DLG2: variants seen among roughly 807,000 people sequenced by gnomAD.
DLG2 encodes disks large homolog 2.
Under a neutral mutation model 132.5 loss-of-function variants are expected in DLG2, and 45 were observed. The ratio of observed to expected loss-of-function variants is 0.34; its 90% CI spans 0.27 to 0.44. DLG2 has a LOEUF of 0.44. Among genes scored for constraint, DLG2 ranks in the 20% least tolerant of loss-of-function variants. DLG2 has a pLI of 1.00. For missense variants in DLG2, 1,045 were observed against 1,196.9 expected (o/e 0.87, Z 1.87); for synonymous variants, 424 against 419.6 (o/e 1.01, Z -0.13).
At chr11:84,899,768 A>AC (rs1290975506) in intron 6 of DLG2, among the ~76,000 whole-genome samples, 1 of 152,034 alleles carries the variant, frequency 6.6e-6, no homozygotes, top group African/African-American at 2.4e-5. Flanking sequence ...CTACAAGGTA[A>AC]AGCTATGCAT....
intron 3 of DLG2, among the ~76,000 whole-genome samples, chr11:85,425,682 C>G (rs868457550): frequency 2.0e-5 from 3 of 152,210 alleles, no homozygotes; most frequent in South Asian, 4.2e-4. Context: ...CAAATAGGAA[C>G]AGCTCCACTC....
intron 11 of DLG2, among the ~76,000 whole-genome samples, chr11:84,043,766 T>C (rs928792135): frequency 4.0e-5 from 6 of 151,742 alleles, no homozygotes; most frequent in Non-Finnish European, 7.4e-5. Context: ...CTATTTTCAG[T>C]GACATCTATT....
At chr11:84,146,351 A>G (rs890652399) in intron 9 of DLG2, among the ~76,000 whole-genome samples, 5 of 152,194 alleles carry the variant, frequency 3.3e-5, no homozygotes, top group African/African-American at 1.2e-4. Context: ...GTATAATTGG[A>G]TTGTTTGTAA....
At chr11:85,421,642 G>T (rs1373471578) in intron 3 of DLG2, among the ~76,000 whole-genome samples, 1 of 151,966 alleles carries the variant, frequency 6.6e-6, no homozygotes, top group African/African-American at 2.4e-5. Flanking sequence ...TTAAGTGGAG[G>T]ATTTAGGTCA....
chr11:84,515,733 T>C (rs895999653), intron 7 of DLG2, among the ~76,000 whole-genome samples: 1 of 151,858 alleles, frequency 6.6e-6, no homozygotes, highest in African/African-American at 2.4e-5. Context: ...CTAGATCAAA[T>C]GGACCTAAAA....
intron 6 of DLG2, among the ~76,000 whole-genome samples, chr11:85,098,452 T>C (rs1360912988): frequency 1.3e-5 from 2 of 152,176 alleles, no homozygotes; most frequent in Admixed American, 6.5e-5. Flanking sequence ...AAAACGGCCA[T>C]TCCGTGTGTA....
At chr11:83,965,558 G>C (rs2089981566) in intron 12 of DLG2, 90 bp from the exon 13 acceptor site, 1 of 1,075,824 alleles carries the variant, frequency 9.3e-7, no homozygotes, top group South Asian at 1.5e-5. Flanking sequence ...ATTATAAATT[G>C]TGATAATTAC....
intron 6 of DLG2, among the ~76,000 whole-genome samples, chr11:84,978,238 C>T (rs189299729): frequency 7.6e-4 from 115 of 152,178 alleles, no homozygotes; most frequent in African/African-American, 2.6e-3. Flanking sequence ...CTGAAGGAGA[C>T]GTTTAAAAAC....
chr11:84,122,348 C>G (rs148941146), intron 9 of DLG2, among the ~76,000 whole-genome samples: 1 of 152,114 alleles, frequency 6.6e-6, no homozygotes, highest in Non-Finnish European at 1.5e-5. Context: ...AATTCCTGAA[C>G]CCAGATTTTC....
intron 2 of DLG2, among the ~76,000 whole-genome samples, chr11:85,604,691 G>T (rs970862247): frequency 6.6e-6 from 1 of 152,064 alleles, no homozygotes; most frequent in African/African-American, 2.4e-5. Context: ...AAATGGGGGG[G>T]AAGGGAGAAT....
chr11:84,323,918 G>T, intron 7 of DLG2, among the ~76,000 whole-genome samples: 1 of 151,274 alleles, frequency 6.6e-6, no homozygotes. Flanking sequence ...TTGTTTTTTG[G>T]CTATTGAGTT....
intron 6 of DLG2, among the ~76,000 whole-genome samples, chr11:85,061,878 A>G (rs2064180209): frequency 1.3e-5 from 2 of 151,856 alleles, no homozygotes; most frequent in African/African-American, 4.8e-5. Flanking sequence ...AGATCATTCT[A>G]TCTTGCACAA....
intron 6 of DLG2, among the ~76,000 whole-genome samples, chr11:84,677,971 C>A (rs750092602): frequency 1.3e-4 from 19 of 151,974 alleles, no homozygotes; most frequent in Non-Finnish European, 1.9e-4. Context: ...TCATACAAAG[C>A]AAAATTCTTC....
chr11:84,170,935 T>C (rs559934562), intron 8 of DLG2, among the ~76,000 whole-genome samples: 1 of 152,310 alleles, frequency 6.6e-6, no homozygotes, highest in East Asian at 1.9e-4. Context: ...CCCATAATTT[T>C]GCCAGGTGAT....
intron 4 of DLG2, among the ~76,000 whole-genome samples, chr11:85,263,123 C>A (rs909821104): frequency 6.6e-6 from 1 of 152,148 alleles, no homozygotes; most frequent in African/African-American, 2.4e-5. Flanking sequence ...CAAAGGGCAT[C>A]CCATCTATTG....
At chr11:83,790,086 G>A (rs2041136666) in intron 17 of DLG2, 4 of 1,049,656 alleles carry the variant, frequency 3.8e-6, no homozygotes, top group South Asian at 1.7e-5. Flanking sequence ...TGCAACGAGT[G>A]TACCTGCATG....
chr11:83,578,137 G>A (rs1222113536), intron 19 of DLG2, among the ~76,000 whole-genome samples: 2 of 146,586 alleles, frequency 1.4e-5, no homozygotes, highest in East Asian at 2.0e-4. Context: ...CCAGAAGAAA[G>A]AAAACTATAC....
At chr11:84,064,988 A>C (rs1456638470) in intron 10 of DLG2, among the ~76,000 whole-genome samples, 1 of 152,200 alleles carries the variant, frequency 6.6e-6, no homozygotes, top group Non-Finnish European at 1.5e-5. Context: ...CTATTCAATA[A>C]ATGGTGCTGA....
At chr11:83,847,308 G>A (rs1235030981) in intron 16 of DLG2, among the ~76,000 whole-genome samples, 2 of 152,074 alleles carry the variant, frequency 1.3e-5, no homozygotes, top group African/African-American at 4.8e-5. Context: ...TAGGATTAGA[G>A]AAAAAAACTC....
Sources: allele counts gnomAD v4.1 joint callset (sites outside exome capture counted in the v4.1 genomes callset), GRCh38; gene constraint gnomAD v4.1.1; transcripts MANE v1.5; gene names NCBI Gene and HGNC (gene_info 2026-07-23, HGNC 2026-07-21).